The following EXOC7 variants were observed in gnomAD, a reference collection of about 807,000 sequenced individuals.
EXOC7 encodes the protein exocyst complex component 7, also known as exocyst complex component Exo70.
Under a neutral mutation model 87.6 loss-of-function variants are expected in EXOC7, and 51 were observed. The observed-to-expected ratio is 0.58, with a 90% CI of 0.46 to 0.73. The LOEUF (loss-of-function observed/expected upper bound fraction) is 0.73, where lower values mean the gene tolerates loss of function less well. EXOC7 is among the 30% of genes least tolerant of loss of function. EXOC7 has a pLI of 0.00. For synonymous variants in EXOC7, 327 were observed against 357.1 expected (o/e 0.92, Z 0.95); for missense variants, 744 against 888.4 (o/e 0.84, Z 2.07).
Position 76,083,224 on chromosome 17 carries a change from G to A in EXOC7, c.*424C>T, listed in dbSNP as rs1298079607. On this transcript the variant is annotated 3_prime_UTR_variant, in exon 19 of 19. Coordinates refer to ENST00000589210, the MANE Select transcript of EXOC7 (RefSeq NM_001013839.4). ...CGACTGCCTTTCCTCCAGGAGCTCTGGCTGCTTCTCTGAGCCCTGCCACAT... is the reference window on the plus strand; with the variant it reads ...CGACTGCCTTTCCTCCAGGAGCTCTAGCTGCTTCTCTGAGCCCTGCCACAT... The A allele has an allele frequency of 1.7e-5, 3 of 173,948 alleles. No individual in the cohort carries two copies. In the East Asian group the frequency reaches 4.9e-4, roughly 28 times the overall value. 10.8% of individuals were successfully genotyped at this position (173,948 alleles called of 1,614,324 possible).
chr17:76,090,457 C>A (rs955880754), intron 7 of EXOC7: 1 of 1,551,680 alleles, frequency 6.4e-7, no homozygotes, highest in South Asian at 1.2e-5. Flanking sequence ...AGGCAGGCCG[C>A]CCCTTGGGGT....
chr17:76,085,252 G>C (rs2067157683), intron 15 of EXOC7, 62 bp downstream of exon 15: 1 of 1,345,726 alleles, frequency 7.4e-7, no homozygotes, highest in Admixed American at 2.0e-5. Context: ...GAGGTGCTGA[G>C]AAGGAAGAGT....
At position 76,082,165 on chromosome 17, in the gene EXOC7, C is replaced by T; in HGVS notation, c.*1483G>A. ...CCTTGCATCCACCCTGCTGGCTCTC[C>T]TGTCCCTGGTCTCCACCATGTCCTC... On this transcript the variant is annotated 3_prime_UTR_variant, in exon 19 of 19. Coordinates refer to ENST00000589210, the MANE Select transcript of EXOC7 (RefSeq NM_001013839.4). 7.8e-7 allele frequency: 1 copy of T among 1,276,706 alleles called. No individual in the cohort carries two copies. The highest frequency in any genetic ancestry group is 1.4e-5 in the South Asian group (1 of 70,576). The allele number at this position is 1,276,706 out of a possible 1,614,324, so 79.1% of individuals were successfully genotyped here. A position where few individuals can be genotyped will look rare whatever the true frequency, so the allele number is the denominator to read the frequency against.
chr17:76,088,017 C>A, intron 11 of EXOC7, 43 bp downstream of exon 11: 1 of 1,609,544 alleles, frequency 6.2e-7, no homozygotes, highest in Non-Finnish European at 8.5e-7. Context: ...GGGCCTGGGC[C>A]CTCCTTCCTC....
At chr17:76,094,652 A>G (rs1281690439) in intron 5 of EXOC7, 71 bp from the exon 6 acceptor site, 2 of 1,436,978 alleles carry the variant, frequency 1.4e-6, no homozygotes, top group African/African-American at 1.4e-5. Context: ...CACCATGTCT[A>G]CCTGTCAAAC....
chr17:76,091,924 G>A (rs937657514), intron 6 of EXOC7, among the ~76,000 whole-genome samples: 1 of 152,196 alleles, frequency 6.6e-6, no homozygotes, highest in African/African-American at 2.4e-5. Flanking sequence ...CGGAAGGAGA[G>A]GGCACATGCT....
At position 76,094,401 on chromosome 17, in the gene EXOC7, G is replaced by C. The variant is rs767863047; in HGVS notation, c.808+13C>G. The C allele has an allele frequency of 1.2e-6, 2 of 1,609,948 alleles. No homozygotes were observed. Among genetic ancestry groups the C allele is most frequent in the Non-Finnish European group, 1.7e-6 (2 of 1,178,076 alleles). On this transcript the variant is annotated intron_variant, in intron 6 of 18. Transcript: ENST00000589210. The stretch of plus-strand genomic sequence containing the variant: ...TCTGGCTGTTGCAGAGATGGGCCAG[G>C]ATGGGGGCTCACCTGGCCGCTTGAC...
At chr17:76,095,799 A>G (rs897381568) in intron 5 of EXOC7, among the ~76,000 whole-genome samples, 1 of 152,230 alleles carries the variant, frequency 6.6e-6, no homozygotes, top group Non-Finnish European at 1.5e-5. Flanking sequence ...AACCCTCAAG[A>G]ACTTCCTCAA....
intron 18 of EXOC7, 37 bp from the exon 19 acceptor site, chr17:76,083,787 G>A (rs767249844): frequency 5.7e-6 from 9 of 1,583,024 alleles, no homozygotes; most frequent in African/African-American, 4.0e-5. Flanking sequence ...AGGGAGGGCC[G>A]ACCCCTCCCC....
intron 15 of EXOC7, chr17:76,085,066 T>A (rs1169448915): frequency 1.9e-6 from 1 of 539,868 alleles, no homozygotes; most frequent in Non-Finnish European, 3.3e-6. Context: ...AGCTCTTCAA[T>A]CATTCTTAGC....
chr17:76,099,208 A>G (rs561895110), intron 4 of EXOC7, among the ~76,000 whole-genome samples: 8 of 152,306 alleles, frequency 5.3e-5, no homozygotes, highest in Non-Finnish European at 1.0e-4. Context: ...ATAAATGGCT[A>G]AAGAAAATGT....
At chr17:76,097,703 CAAAAAAAAAAAAA>C (rs57781252) in intron 5 of EXOC7, 80 bp downstream of exon 5, 26 of 318,276 alleles carry the variant, frequency 8.2e-5, no homozygotes, top group Middle Eastern at 9.8e-4. Context: ...GACTCCATCT[CAAAAAAAAAAAAA>C]AAAAAAAAAA....
chr17:76,092,728 GC>G (rs1192782164), intron 6 of EXOC7: 1 of 152,130 alleles, frequency 6.6e-6, no homozygotes, highest in East Asian at 1.9e-4. Flanking sequence ...AGACACAGAC[GC>G]AGGTGCACGC....
chr17:76,086,682 G>A (rs1471013611), intron 12 of EXOC7, among the ~76,000 whole-genome samples: 3 of 152,136 alleles, frequency 2.0e-5, no homozygotes, highest in African/African-American at 4.8e-5. Flanking sequence ...CTGCGGATAA[G>A]CTCAGAGACA....
rs770527890 is a variant in EXOC7, at chr17:76,081,321, G to C, written c.*2327C>G. The C allele has an allele frequency of 1.9e-6, 3 of 1,614,038 alleles. No individual in the cohort carries two copies. The highest frequency in any genetic ancestry group is 2.5e-6 in the Non-Finnish European group (3 of 1,180,034). ...AGGCCCACGTGGTGAACGAGATTGT[G>C]AGTGTCAAGAGGGAATACGTAGTTT... On this transcript the variant is annotated 3_prime_UTR_variant, in exon 19 of 19. Transcript: ENST00000589210.
In EXOC7 at chr17:76,083,680, T is replaced by G. The variant is rs776687293; in HGVS notation, c.2023A>C (p.Met675Leu). The G allele has an allele frequency of 2.5e-6, 4 of 1,613,758 alleles. No individual in the cohort carries two copies. The African/African-American group carries it at 5.3e-5, about 22-fold the overall frequency. Residue 675 changes from methionine (M) to leucine (L), a missense_variant, in exon 19 of 19, where the codon ATG becomes CTG. This residue lies in a region of EXOC7 where 228 missense variants were observed against 298.6 expected (regional missense o/e 0.76). Transcript: ENST00000589210. ...GAGGTGTCGAAAAGGCGATCGATCA[T>G]GTCGCCCACCTGCTCCACCCCGTAC... ...IKYGVEQVGDMIDRLFDTSA is the reference protein window; with the variant it reads ...IKYGVEQVGDLIDRLFDTSA
chr17:76,084,647 T>C, intron 15 of EXOC7, 67 bp from the exon 16 acceptor site: 1 of 1,442,926 alleles, frequency 6.9e-7, no homozygotes, highest in African/African-American at 1.4e-5. Context: ...CTTGTTTCGT[T>C]TGCTAAATCT....
chr17:76,081,602 G>A lies in EXOC7; in HGVS notation c.*2046C>T, dbSNP rs143779733. ...CATCGCTCTCTTGGTGCCTGCAGAG[G>A]CACTGCTGTTGGCTGACGTGTGCGG... On this transcript the variant is annotated 3_prime_UTR_variant, in exon 19 of 19. Transcript: ENST00000589210. The A allele has an allele frequency of 2.5e-4, 401 of 1,614,024 alleles. 1 individual carries two copies. In the Middle Eastern group the frequency reaches 2.6e-3, roughly 11 times the overall value.
Position 76,081,451 on chromosome 17 carries a change from G to A in EXOC7, c.*2197C>T. ...GACAGAGGGCTGCTGGAGGCGGGTG[G>A]GAGTGAGGATGCACGGCCAGAGGCC... is the stretch of plus-strand genomic sequence containing the variant. On this transcript the variant is annotated 3_prime_UTR_variant, in exon 19 of 19. Coordinates refer to ENST00000589210, the MANE Select transcript of EXOC7 (RefSeq NM_001013839.4). 1 of 1,612,208 alleles carries A rather than the reference G, an allele frequency of 6.2e-7. No homozygotes were observed. Among genetic ancestry groups the A allele is most frequent in the Non-Finnish European group, 8.5e-7 (1 of 1,179,270 alleles).
Sources: allele counts gnomAD v4.1 joint callset (sites outside exome capture counted in the v4.1 genomes callset), GRCh38; gene constraint gnomAD v4.1.1; regional missense constraint gnomAD v4.1.1; transcripts MANE v1.5; gene names NCBI Gene and HGNC (gene_info 2026-07-23, HGNC 2026-07-21).